SMOC1: variants seen among roughly 807,000 people sequenced by gnomAD.
SMOC1 encodes the protein SPARC-related modular calcium-binding protein 1.
A neutral mutation model predicts 56.3 loss-of-function variants in SMOC1; 22 were observed. The ratio of observed to expected loss-of-function variants is 0.39; its 90% CI spans 0.28 to 0.56. The LOEUF is 0.56. Ranked by LOEUF, SMOC1 falls within the 20% of genes least tolerant of loss-of-function variation. The pLI is 0.61. For synonymous variants in SMOC1, 193 were observed against 215.0 expected, an observed-to-expected ratio of 0.90 and a Z score of 0.89; for missense variants, 509 against 565.4, an observed-to-expected ratio of 0.90 and a Z score of 1.01.
At chr14:69,968,823 G>C (rs144868119) in intron 3 of SMOC1, among the ~76,000 whole-genome samples, 2 of 152,270 alleles carry the variant, frequency 1.3e-5, no homozygotes, top group African/African-American at 4.8e-5. Context: ...CTGCTACCAG[G>C]CATGCTGAAT....
intron 1 of SMOC1, among the ~76,000 whole-genome samples, chr14:69,950,057 A>C (rs1002216693): frequency 3.3e-5 from 5 of 152,232 alleles, no homozygotes; most frequent in Non-Finnish European, 7.3e-5. Context: ...TGCTGTGCTC[A>C]TGAGACACTA....
intron 1 of SMOC1, among the ~76,000 whole-genome samples, chr14:69,907,324 G>A (rs768424155): frequency 6.6e-6 from 1 of 152,114 alleles, no homozygotes; most frequent in Non-Finnish European, 1.5e-5. Context: ...TGGAATCTTA[G>A]ATATCATCTT....
chr14:69,997,330 A>G (rs1884805773), intron 7 of SMOC1, among the ~76,000 whole-genome samples: 1 of 152,194 alleles, frequency 6.6e-6, no homozygotes, highest in African/African-American at 2.4e-5. Context: ...ACGGGTTGCC[A>G]AAAAAGCATC....
chr14:70,011,253 A>G (rs975043405), intron 8 of SMOC1, among the ~76,000 whole-genome samples: 2 of 152,170 alleles, frequency 1.3e-5, no homozygotes, highest in African/African-American at 4.8e-5. Flanking sequence ...GTGCAGCTCA[A>G]GTATCATTGT....
chr14:69,881,979 G>A (rs1883653595), intron 1 of SMOC1, among the ~76,000 whole-genome samples: 1 of 152,220 alleles, frequency 6.6e-6, no homozygotes, highest in South Asian at 2.1e-4. Flanking sequence ...GGCAGCTATA[G>A]TGAGTGTTCA....
chr14:70,018,792 G>A (rs1481712403), intron 10 of SMOC1, among the ~76,000 whole-genome samples: 1 of 152,216 alleles, frequency 6.6e-6, no homozygotes, highest in Non-Finnish European at 1.5e-5. Context: ...CTGTACTGTG[G>A]CTTCCTCCTT....
chr14:69,994,398 A>G lies in SMOC1; in HGVS notation c.584-2A>G, dbSNP rs772178551. 126 of 1,613,288 alleles carry G rather than the reference A, an allele frequency of 7.8e-5. No individual in the cohort carries two copies. The highest frequency in any genetic ancestry group is 2.7e-4 in the Admixed American group (16 of 60,008). Reference sequence around the variant, plus strand: ...TTTCTCTCTCCTTTTCCTCACCCCTAGAAATCACAGCCCCAACTCTATGGA... The same window carrying G: ...TTTCTCTCTCCTTTTCCTCACCCCTGGAAATCACAGCCCCAACTCTATGGA... On this transcript the variant is annotated splice_acceptor_variant, in intron 6 of 11. Coordinates refer to ENST00000361956, the MANE Select transcript of SMOC1 (RefSeq NM_001034852.3). LOFTEE classifies it high-confidence loss of function.
intron 1 of SMOC1, among the ~76,000 whole-genome samples, chr14:69,913,523 A>G (rs563717919): frequency 1.3e-5 from 2 of 152,294 alleles, no homozygotes; most frequent in Admixed American, 6.5e-5. Context: ...ACTAAACAAT[A>G]TATTCCTTGC....
Position 70,011,565 on chromosome 14 carries a change from C to A in SMOC1, c.938C>A (p.Pro313Gln), listed in dbSNP as rs144352596. The A allele has an allele frequency of 4.3e-6, 7 of 1,613,922 alleles. No individual in the cohort carries two copies. In the African/African-American group the frequency reaches 6.7e-5, roughly 15 times the overall value. The change falls in exon 9 of 12, where the codon CCA (proline) becomes CAA (glutamine). Residue 313 changes from proline (P) to glutamine (Q), a missense_variant and splice_region_variant. Physicochemically the swap from Pro to Gln is moderately conservative, Grantham distance 76. Around this residue, in one of 3 missense-constraint regions of SMOC1, gnomAD observed 176 missense variants for 188.1 expected, o/e 0.94. Coordinates refer to ENST00000361956, the MANE Select transcript of SMOC1 (RefSeq NM_001034852.3). The part of the protein sequence containing the change: ...ADDPFKDREL[P>Q]GCPEGKKMEF... ...GACCCCTTCAAGGACAGGGAGCTAC[C>A]AGGTGGGAGACGATGCTGCCCTGCC...
chr14:70,004,154 A>C (rs1406178719), intron 7 of SMOC1, among the ~76,000 whole-genome samples: 1 of 152,204 alleles, frequency 6.6e-6, no homozygotes, highest in Non-Finnish European at 1.5e-5. Context: ...CTCCAGGAAG[A>C]CTGCATCATT....
intron 1 of SMOC1, among the ~76,000 whole-genome samples, chr14:69,919,910 A>G (rs942327295): frequency 8.6e-6 from 1 of 116,392 alleles, no homozygotes; most frequent in Non-Finnish European, 1.8e-5. Flanking sequence ...GAACACAAAT[A>G]CCCCCCCCCC....
intron 10 of SMOC1, among the ~76,000 whole-genome samples, chr14:70,022,367 T>C (rs377645060): frequency 3.4e-4 from 52 of 152,312 alleles, no homozygotes; most frequent in African/African-American, 1.2e-3. Context: ...GTGTTAGATG[T>C]GCTTGTGACT....
In SMOC1 at chr14:70,010,871, A is replaced by C; in HGVS notation, c.782A>C (p.Gln261Pro). The C allele has an allele frequency of 6.2e-7, 1 of 1,614,062 alleles. No individual in the cohort carries two copies. The highest frequency in any genetic ancestry group is 8.5e-7 in the Non-Finnish European group (1 of 1,180,026). Residue 261 changes from glutamine (Q) to proline (P), a missense_variant, in exon 8 of 12, where the codon CAA becomes CCA. By Grantham distance (76) the Gln-to-Pro change is moderately conservative (BLOSUM62 -1). Around this residue, in one of 3 missense-constraint regions of SMOC1, gnomAD observed 315 missense variants for 333.1 expected, o/e 0.95. Transcript: ENST00000361956. Reference sequence around the variant, plus strand: ...CCTGGGGGACTCTATAAGCCAGTGCAATGCCACCAGTCCACTGGCTACTGC... The same window carrying C: ...CCTGGGGGACTCTATAAGCCAGTGCCATGCCACCAGTCCACTGGCTACTGC... Reference protein sequence around the residue: ...CAPGGLYKPVQCHQSTGYCWC... With the variant: ...CAPGGLYKPVPCHQSTGYCWC...
At chr14:69,901,360 T>G (rs1884237205) in intron 1 of SMOC1, among the ~76,000 whole-genome samples, 1 of 152,198 alleles carries the variant, frequency 6.6e-6, no homozygotes, top group African/African-American at 2.4e-5. Context: ...TCACTTGTTG[T>G]GGATATCCTA....
chr14:69,893,125 TA>T (rs1206501804), intron 1 of SMOC1, among the ~76,000 whole-genome samples: 1 of 152,246 alleles, frequency 6.6e-6, no homozygotes, highest in African/African-American at 2.4e-5. Flanking sequence ...ATATTTCTCG[TA>T]AAATGATAGT....
intron 1 of SMOC1, among the ~76,000 whole-genome samples, chr14:69,894,805 A>G (rs1304380412): frequency 6.6e-6 from 1 of 152,214 alleles, no homozygotes. Flanking sequence ...AGCTGACAGG[A>G]AAAAGGAAAT....
chr14:69,887,968 A>G (rs1024536966), intron 1 of SMOC1, among the ~76,000 whole-genome samples: 2 of 152,082 alleles, frequency 1.3e-5, no homozygotes, highest in Non-Finnish European at 2.9e-5. Context: ...TGGGGGTGGG[A>G]TGCATGGTCC....
At position 70,032,340 on chromosome 14, in the gene SMOC1, T is replaced by C. The variant is rs943141991; in HGVS notation, c.*2082T>C. ...GGGAAACTATTTGTAGCTTGTTTTA[T>C]AAAAAATAAAAAATGGGTAAATCTT... On this transcript the variant is annotated 3_prime_UTR_variant, in exon 12 of 12. Transcript: ENST00000361956. 6.6e-6 allele frequency: 1 copy of C among 152,226 alleles called. No homozygotes were observed. Among genetic ancestry groups the C allele is most frequent in the African/African-American group, 2.4e-5 (1 of 41,466 alleles). 9.4% of individuals were successfully genotyped at this position (152,226 alleles called of 1,614,324 possible). A position where few individuals can be genotyped will look rare whatever the true frequency, so the allele number is the denominator to read the frequency against.
intron 1 of SMOC1, among the ~76,000 whole-genome samples, chr14:69,921,229 G>A (rs1193736893): frequency 2.0e-5 from 3 of 152,210 alleles, no homozygotes; most frequent in Non-Finnish European, 2.9e-5. Context: ...CCCCAGCGCC[G>A]CAGACTTCTG....
Sources: allele counts gnomAD v4.1 joint callset (sites outside exome capture counted in the v4.1 genomes callset), GRCh38; gene constraint gnomAD v4.1.1; regional missense constraint gnomAD v4.1.1; transcripts MANE v1.5; gene names NCBI Gene and HGNC (gene_info 2026-07-23, HGNC 2026-07-21).